The following FRMPD4 variants were observed in gnomAD, a reference collection of about 807,000 sequenced individuals.
FRMPD4 encodes FERM and PDZ domain-containing protein 4.
Under a neutral mutation model 94.1 loss-of-function variants are expected in FRMPD4, and 22 were observed. The observed-to-expected ratio is 0.23, with a 90% CI of 0.17 to 0.33. FRMPD4 has a LOEUF of 0.33. FRMPD4 is among the 10% of genes least tolerant of loss of function. FRMPD4 has a pLI of 1.00. For synonymous variants in FRMPD4, 631 were observed against 548.6 expected (o/e 1.15, Z -2.10); for missense variants, 1,111 against 1,339.9 (o/e 0.83, Z 2.67).
intron 9 of FRMPD4, among the ~76,000 whole-genome samples, chrX:12,701,342 G>A (rs1344807412): frequency 9.0e-6 from 1 of 110,591 alleles, no homozygotes; most frequent in East Asian, 2.8e-4. Flanking sequence ...CAAAGTGCTG[G>A]GATTCTAAGA....
intron 3 of FRMPD4, among the ~76,000 whole-genome samples, chrX:12,123,123 CTT>C (rs58251577): frequency 0.1 from 8,431 of 84,172 alleles, 331 homozygotes; most frequent in African/African-American, 0.13. Context: ...ATTTTCTTTT[CTT>C]TTTTTTTTTT....
intron 9 of FRMPD4, among the ~76,000 whole-genome samples, chrX:12,698,864 G>C (rs1026446123): frequency 9.0e-6 from 1 of 111,109 alleles, no homozygotes; most frequent in African/African-American, 3.3e-5. Flanking sequence ...GCAACCTTGC[G>C]AGTTCATTGC....
intron 1 of FRMPD4, among the ~76,000 whole-genome samples, chrX:12,281,372 CT>C (rs58226288): frequency 0.15 from 15,415 of 102,770 alleles, 939 homozygotes; most frequent in East Asian, 0.33. Flanking sequence ...TTAAAAAAGT[CT>C]TTTTTTTTTT....
At chrX:12,548,477 C>A (rs1233360661) in intron 2 of FRMPD4, among the ~76,000 whole-genome samples, 1 of 112,265 alleles carries the variant, frequency 8.9e-6, no homozygotes, top group African/African-American at 3.2e-5. Context: ...AAATTCTGGT[C>A]TGGCATTATA....
chrX:12,000,506 A>G (rs1481318716), intron 3 of FRMPD4, among the ~76,000 whole-genome samples: 1 of 112,196 alleles, frequency 8.9e-6, no homozygotes, highest in Non-Finnish European at 1.9e-5. Context: ...GTTCGAAGAT[A>G]GATGATTGGC....
intron 3 of FRMPD4, among the ~76,000 whole-genome samples, chrX:12,001,636 G>A (rs1457795493): frequency 9.0e-6 from 1 of 111,518 alleles, no homozygotes; most frequent in Non-Finnish European, 1.9e-5. Flanking sequence ...TTAAAGAGGA[G>A]GGGAGAAAGT....
intron 2 of FRMPD4, among the ~76,000 whole-genome samples, chrX:12,609,166 C>A (rs1042815648): frequency 1.8e-5 from 2 of 111,620 alleles, no homozygotes; most frequent in Non-Finnish European, 1.9e-5. Flanking sequence ...TCATAAAGTT[C>A]TCCATCCTCA....
At chrX:12,483,429 A>T (rs908968295) in intron 1 of FRMPD4, among the ~76,000 whole-genome samples, 1 of 112,191 alleles carries the variant, frequency 8.9e-6, no homozygotes, top group Non-Finnish European at 1.9e-5. Context: ...AACAAAGTTA[A>T]GTATTAAAAT....
chrX:12,288,861 T>C lies in FRMPD4; in HGVS notation c.41+149849T>C, dbSNP rs6640957. ...ATAATTTGTTGTATGATTTTTTCAA[T>C]AATTTCATTCAGCCAATTTATTGGA... On this transcript the variant is annotated intron_variant, in intron 1 of 16. Transcript: ENST00000675598. Among the ~76,000 whole-genome samples, 918 of 112,367 alleles carry C rather than the reference T, an allele frequency of 8.2e-3. 5 individuals are homozygous for C. Among genetic ancestry groups the C allele is most frequent in the Middle Eastern group, 0.023 (5 of 216 alleles).
chrX:12,492,817 G>T (rs1190343364), intron 1 of FRMPD4, among the ~76,000 whole-genome samples: 1 of 112,049 alleles, frequency 8.9e-6, no homozygotes, highest in Non-Finnish European at 1.9e-5. Context: ...GCTACCTGTT[G>T]TATGAGATCA....
intron 3 of FRMPD4, among the ~76,000 whole-genome samples, chrX:11,911,444 T>C (rs1158080416): frequency 1.8e-5 from 2 of 112,338 alleles, no homozygotes; most frequent in African/African-American, 6.5e-5. Context: ...AACAGAATCA[T>C]TTAAGAAGCT....
chrX:12,235,275 G>A (rs2147784566), intron 1 of FRMPD4, among the ~76,000 whole-genome samples: 1 of 111,394 alleles, frequency 9.0e-6, no homozygotes, highest in South Asian at 3.8e-4. Flanking sequence ...AATGTGTGCC[G>A]ACCTCAAGGA....
At chrX:12,310,871 T>A (rs2147907077) in intron 1 of FRMPD4, among the ~76,000 whole-genome samples, 1 of 112,631 alleles carries the variant, frequency 8.9e-6, no homozygotes, top group Admixed American at 9.4e-5. Flanking sequence ...CCTTGAACTT[T>A]CTTTCTGTTG....
At chrX:11,835,134 A>G (rs2053494631) in intron 1 of FRMPD4, among the ~76,000 whole-genome samples, 1 of 111,922 alleles carries the variant, frequency 8.9e-6, no homozygotes, top group Non-Finnish European at 1.9e-5. Context: ...AGTTAAAATG[A>G]GAGAAGTAAC....
At chrX:12,500,559 A>G (rs930759585) in intron 2 of FRMPD4, among the ~76,000 whole-genome samples, 1 of 110,622 alleles carries the variant, frequency 9.0e-6, no homozygotes, top group African/African-American at 3.3e-5. Flanking sequence ...TCCTGGGTCC[A>G]TCCCAGGAAG....
At chrX:12,046,069 G>T (rs1238013941) in intron 3 of FRMPD4, among the ~76,000 whole-genome samples, 1 of 111,081 alleles carries the variant, frequency 9.0e-6, no homozygotes, top group African/African-American at 3.3e-5. Context: ...TTATGATAAA[G>T]TAAGAATATA....
chrX:12,282,881 G>T (rs751119596), intron 1 of FRMPD4, among the ~76,000 whole-genome samples: 24 of 110,125 alleles, frequency 2.2e-4, no homozygotes, highest in African/African-American at 8.0e-4. Flanking sequence ...TTCCAGAAAG[G>T]TCAATGTCTA....
intron 3 of FRMPD4, among the ~76,000 whole-genome samples, chrX:11,906,019 C>G (rs1411984053): frequency 2.7e-5 from 3 of 111,287 alleles, no homozygotes; most frequent in Non-Finnish European, 5.7e-5. Flanking sequence ...CAGTCTTCTC[C>G]CCAAATCCCC....
Position 12,720,979 on chromosome X carries a change from C to T in FRMPD4, c.4410C>T (p.His1470=), listed in dbSNP as rs776005679. 247 of 775,823 alleles carry T rather than the reference C, an allele frequency of 3.2e-4. 1 individual carries two copies. The Middle Eastern group carries it at 4.6e-3, about 14-fold the overall frequency. 63.9% of individuals were successfully genotyped at this position (775,823 alleles called of 1,213,427 possible). ...SMHLSSEGRF[H]KRSPVAHKDS... is the part of the protein sequence containing the mutation. ...ACTTGAGCTCTGAGGGGAGGTTTCACAAAAGGTCCCCAGTGGCTCATAAAG... is the reference window on the plus strand; with the variant it reads ...ACTTGAGCTCTGAGGGGAGGTTTCATAAAAGGTCCCCAGTGGCTCATAAAG... Residue 1470 remains histidine, a synonymous_variant, in exon 17 of 17, where the codon CAC becomes CAT. Transcript: ENST00000675598.
Sources: gnomAD v4.1 joint callset for allele counts (sites outside exome capture counted in the v4.1 genomes callset) on GRCh38, gnomAD v4.1.1 for gene constraint, MANE v1.5 for transcripts, NCBI Gene and HGNC (gene_info 2026-07-23, HGNC 2026-07-21) for gene names.